IQSEC1: variants seen among roughly 807,000 people sequenced by gnomAD.
IQSEC1 encodes the protein IQ motif and Sec7 domain ArfGEF 1.
IQSEC1 carries 31 observed loss-of-function variants against 91.0 expected under a neutral mutation model. The ratio of observed to expected loss-of-function variants is 0.34; its 90% CI spans 0.26 to 0.46. The LOEUF (loss-of-function observed/expected upper bound fraction) is 0.46. IQSEC1 is among the 20% of genes least tolerant of loss of function. The pLI, the probability that IQSEC1 is intolerant of heterozygous loss-of-function variation, is 1.00. For synonymous variants in IQSEC1, 699 were observed against 662.6 expected, an observed-to-expected ratio of 1.05 and a Z score of -0.84; for missense variants, 1,388 against 1,575.6, an observed-to-expected ratio of 0.88 and a Z score of 2.02.
At position 12,900,576 on chromosome 3, in the gene IQSEC1, G is replaced by C; in HGVS notation, c.*407C>G. ...CAATAAAAGAGCAATAATGCAGCAA[G>C]TTTTGGGGTTTGTTTTGTCTGTTTT... On this transcript the variant is annotated 3_prime_UTR_variant, in exon 14 of 14. Coordinates refer to ENST00000613206, the MANE Select transcript of IQSEC1 (RefSeq NM_001134382.3). 1 of 1,009,504 alleles carries C rather than the reference G, an allele frequency of 9.9e-7. No homozygotes were observed. The highest frequency in any genetic ancestry group is 1.7e-5 in the African/African-American group (1 of 57,958). 62.5% of individuals were successfully genotyped at this position (1,009,504 alleles called of 1,614,324 possible).
At chr3:13,024,976 G>A (rs1034616044) in intron 1 of IQSEC1, among the ~76,000 whole-genome samples, 3 of 152,248 alleles carry the variant, frequency 2.0e-5, no homozygotes, top group Non-Finnish European at 4.4e-5. Context: ...ACAACTGTGT[G>A]ACCCTGGGTA....
chr3:13,245,259 C>A (rs1417438383), intron 1 of IQSEC1, among the ~76,000 whole-genome samples: 2 of 152,194 alleles, frequency 1.3e-5, no homozygotes, highest in Admixed American at 6.5e-5. Context: ...CGTGGTGTCT[C>A]ATCCTCCAGC....
chr3:13,283,066 C>A (rs1295434856), exon 1 of IQSEC1, among the ~76,000 whole-genome samples: 5 of 144,462 alleles, frequency 3.5e-5, no homozygotes, highest in African/African-American at 1.2e-4. Context: ...GCGGCGGGGA[C>A]GGCGGCTCGG....
chr3:12,941,892 T>A (rs777933687), intron 1 of IQSEC1, 27 bp from the exon 2 acceptor site: 10 of 1,547,740 alleles, frequency 6.5e-6, no homozygotes, highest in Non-Finnish European at 7.9e-6. Context: ...GGTGAGAAGC[T>A]TCTGGTAAGC....
At chr3:13,131,923 C>T (rs1167878840) in intron 2 of IQSEC1, among the ~76,000 whole-genome samples, 4 of 152,068 alleles carry the variant, frequency 2.6e-5, no homozygotes, top group Non-Finnish European at 4.4e-5. Context: ...TTGATTTGGG[C>T]ATGGAATATA....
At chr3:13,185,777 C>G (rs1007546982) in intron 1 of IQSEC1, among the ~76,000 whole-genome samples, 3 of 152,234 alleles carry the variant, frequency 2.0e-5, no homozygotes, top group Admixed American at 6.5e-5. Context: ...CTGGAAAGCA[C>G]TTTTGACACA....
At chr3:12,965,982 C>T (rs566854345) in intron 1 of IQSEC1, among the ~76,000 whole-genome samples, 1 of 152,304 alleles carries the variant, frequency 6.6e-6, no homozygotes, top group Non-Finnish European at 1.5e-5. Flanking sequence ...AGCTTTAGTA[C>T]TGACAAGACT....
chr3:13,133,670 G>A (rs551672274), intron 2 of IQSEC1, among the ~76,000 whole-genome samples: 1 of 152,352 alleles, frequency 6.6e-6, no homozygotes, highest in Non-Finnish European at 1.5e-5. Flanking sequence ...ACTAGTTCAA[G>A]GTAATTTATG....
intron 2 of IQSEC1, among the ~76,000 whole-genome samples, chr3:13,130,788 C>A (rs1706598749): frequency 6.6e-6 from 1 of 151,882 alleles, no homozygotes; most frequent in African/African-American, 2.4e-5. Flanking sequence ...AATAATAATA[C>A]TAATAATAAT....
At chr3:13,024,444 C>A (rs1402078868) in intron 1 of IQSEC1, among the ~76,000 whole-genome samples, 2 of 149,762 alleles carry the variant, frequency 1.3e-5, no homozygotes, top group African/African-American at 2.5e-5. Flanking sequence ...CACCCATCCA[C>A]TCATCCACCC....
At chr3:13,182,970 C>T (rs568683545) in intron 1 of IQSEC1, among the ~76,000 whole-genome samples, 1 of 152,090 alleles carries the variant, frequency 6.6e-6, no homozygotes, top group Non-Finnish European at 1.5e-5. Flanking sequence ...TGAGACCATC[C>T]TGGCTAACAC....
chr3:13,013,850 A>G (rs1303634825), intron 1 of IQSEC1, among the ~76,000 whole-genome samples: 1 of 152,208 alleles, frequency 6.6e-6, no homozygotes, highest in African/African-American at 2.4e-5. Flanking sequence ...GAAACTCTGC[A>G]CAGAGTCATG....
intron 3 of IQSEC1, among the ~76,000 whole-genome samples, chr3:12,926,111 G>C (rs1370644102): frequency 6.6e-6 from 1 of 152,126 alleles, no homozygotes; most frequent in Non-Finnish European, 1.5e-5. Context: ...AGGAGTTCCA[G>C]ACCAGCCTGG....
intron 1 of IQSEC1, chr3:12,995,063 CCT>C (rs1167877996): frequency 1.3e-5 from 2 of 152,368 alleles, no homozygotes; most frequent in South Asian, 2.1e-4. Context: ...GGAGCGGCGG[CCT>C]CTCTCCCGCA....
At chr3:13,196,548 G>A (rs893319057) in intron 1 of IQSEC1, among the ~76,000 whole-genome samples, 12 of 152,204 alleles carry the variant, frequency 7.9e-5, no homozygotes, top group Admixed American at 2.0e-4. Context: ...TGCCCTGCAC[G>A]TCTGGCTGTC....
intron 1 of IQSEC1, among the ~76,000 whole-genome samples, chr3:13,050,039 C>A (rs889653862): frequency 6.6e-6 from 1 of 151,972 alleles, no homozygotes; most frequent in Admixed American, 6.5e-5. Flanking sequence ...CACTTCTCCC[C>A]ACCTGTGTAC....
At chr3:13,275,210 G>A (rs568650844) in intron 1 of IQSEC1, among the ~76,000 whole-genome samples, 10 of 152,336 alleles carry the variant, frequency 6.6e-5, no homozygotes, top group African/African-American at 2.4e-4. Context: ...GAACGGGCTC[G>A]GTTATTGCTG....
intron 1 of IQSEC1, among the ~76,000 whole-genome samples, chr3:13,246,191 G>T (rs913027897): frequency 6.6e-6 from 1 of 152,216 alleles, no homozygotes; most frequent in African/African-American, 2.4e-5. Flanking sequence ...AAGGAAGAAG[G>T]TTCTGGGCCG....
At chr3:13,222,629 C>T (rs1694684539) in intron 1 of IQSEC1, among the ~76,000 whole-genome samples, 1 of 152,220 alleles carries the variant, frequency 6.6e-6, no homozygotes, top group Admixed American at 6.5e-5. Context: ...ACATCCTCAC[C>T]AACCAGAGAA....
Sources: gnomAD v4.1 joint callset for allele counts (sites outside exome capture counted in the v4.1 genomes callset) on GRCh38, gnomAD v4.1.1 for gene constraint, MANE v1.5 for transcripts, NCBI Gene and HGNC (gene_info 2026-07-23, HGNC 2026-07-21) for gene names.